CENPA: variants seen among roughly 807,000 people sequenced by gnomAD.
CENPA encodes histone H3-like centromeric protein A.
Under a neutral mutation model 17.2 loss-of-function variants are expected in CENPA, and 7 were observed. The ratio of observed to expected loss-of-function variants is 0.41; its 90% CI spans 0.23 to 0.76. The LOEUF (loss-of-function observed/expected upper bound fraction) is 0.76, where lower values mean the gene tolerates loss of function less well. Among genes scored for constraint, CENPA ranks in the 30% least tolerant of loss-of-function variants. CENPA has a pLI of 0.34. For synonymous variants in CENPA, 82 were observed against 77.4 expected, an observed-to-expected ratio of 1.06 and a Z score of -0.31; for missense variants, 149 against 193.1, an observed-to-expected ratio of 0.77 and a Z score of 1.35.
chr2:26,793,162 A>G lies in CENPA; in HGVS notation c.306A>G (p.Leu102=). 1 of 1,614,082 alleles carries G rather than the reference A, an allele frequency of 6.2e-7. No individual in the cohort carries two copies. Among genetic ancestry groups the G allele is most frequent in the African/African-American group, 1.3e-5 (1 of 75,034 alleles). The part of the protein sequence containing the change: ...LALQEAAEAF[L]VHLFEDAYLL... ...GTCTCCAGGCAGCAGAAGCATTTCTAGTTCATCTCTTTGAGGACGCCTATC... is the reference window on the plus strand; with the variant it reads ...GTCTCCAGGCAGCAGAAGCATTTCTGGTTCATCTCTTTGAGGACGCCTATC... Residue 102 remains leucine, a synonymous_variant, in exon 4 of 5, where the codon CTA becomes CTG. Coordinates refer to ENST00000335756, the MANE Select transcript of CENPA (RefSeq NM_001809.4).
At position 26,793,171 on chromosome 2, in the gene CENPA, C is replaced by G. The variant is rs1232207482; in HGVS notation, c.315C>G (p.Leu105=). 1 of 1,614,070 alleles carries G rather than the reference C, an allele frequency of 6.2e-7. No individual in the cohort carries two copies. Among genetic ancestry groups the G allele is most frequent in the Admixed American group, 1.7e-5 (1 of 60,008 alleles). ...QEAAEAFLVH[L]FEDAYLLTLH... Reference sequence around the variant, plus strand: ...CAGCAGAAGCATTTCTAGTTCATCTCTTTGAGGACGCCTATCTCCTCACCT... The same window carrying G: ...CAGCAGAAGCATTTCTAGTTCATCTGTTTGAGGACGCCTATCTCCTCACCT... Residue 105 remains leucine (L), a synonymous_variant, in exon 4 of 5, where the codon CTC becomes CTG. Transcript: ENST00000335756.
chr2:26,792,337 C>A, intron 2 of CENPA, 97 bp downstream of exon 2: 1 of 885,628 alleles, frequency 1.1e-6, no homozygotes, highest in South Asian at 1.6e-5. Context: ...ACTAACTGGC[C>A]AAGGGACCTC....
chr2:26,786,165 G>A lies in CENPA; in HGVS notation c.-32G>A. 1 of 1,417,524 alleles carries A rather than the reference G, an allele frequency of 7.1e-7. No homozygotes were observed. Among genetic ancestry groups the A allele is most frequent in the Non-Finnish European group, 9.2e-7 (1 of 1,092,532 alleles). 87.8% of individuals were successfully genotyped at this position (1,417,524 alleles called of 1,614,324 possible). On this transcript the variant is annotated 5_prime_UTR_variant, in exon 1 of 5. Coordinates refer to ENST00000335756, the MANE Select transcript of CENPA (RefSeq NM_001809.4). ...CCCGGCAGCCCGAGCAGGAGCCGTG[G>A]GACCGGGCGCCAGCACCCTCTGCGG...
chr2:26,792,880 A>G, intron 3 of CENPA, 47 bp downstream of exon 3: 4 of 1,549,216 alleles, frequency 2.6e-6, no homozygotes, highest in Non-Finnish European at 2.7e-6. Context: ...AGTGGGAGAA[A>G]GAGGCAGCCT....
chr2:26,787,824 G>A (rs1664540576), intron 1 of CENPA, among the ~76,000 whole-genome samples: 1 of 152,162 alleles, frequency 6.6e-6, no homozygotes, highest in South Asian at 2.1e-4. Context: ...CCAACTTGCT[G>A]AATTCTCGTT....
rs141433051 is a variant in CENPA, at chr2:26,791,767, G to A, written c.101-364G>A. 5.3e-5 allele frequency among the ~76,000 whole-genome samples: 8 copies of A among 152,288 alleles called. No homozygotes were observed. In the East Asian group the frequency reaches 1.5e-3, roughly 29 times the overall value. ...AGTCCTGCAAAGCCCAGAGGAGGGC[G>A]GTCACCCATCTGTTTGGAAGGATCA... On this transcript the variant is annotated intron_variant, in intron 1 of 4. Coordinates refer to ENST00000335756, the MANE Select transcript of CENPA (RefSeq NM_001809.4).
Position 26,792,317 on chromosome 2 carries a change from C to A in CENPA, c.210+77C>A. 4 of 1,142,800 alleles carry A rather than the reference C, an allele frequency of 3.5e-6. No individual in the cohort carries two copies. The East Asian group carries it at 1.0e-4, about 29-fold the overall frequency. 70.8% of individuals were successfully genotyped at this position (1,142,800 alleles called of 1,614,324 possible). A position where few individuals can be genotyped will look rare whatever the true frequency, so the allele number is the denominator to read the frequency against. ...ATTTTCCCAGGTATTAGGGACCCTACTGTCTCTTAACTAACTGGCCAAGGG... is the reference window on the plus strand; with the variant it reads ...ATTTTCCCAGGTATTAGGGACCCTAATGTCTCTTAACTAACTGGCCAAGGG... On this transcript the variant is annotated intron_variant, in intron 2 of 4. Transcript: ENST00000335756.
chr2:26,790,250 G>A (rs931943792), intron 1 of CENPA, among the ~76,000 whole-genome samples: 1 of 151,948 alleles, frequency 6.6e-6, no homozygotes, highest in Admixed American at 6.6e-5. Context: ...AAATTGTTGG[G>A]TGATCTTTAG....
chr2:26,788,837 G>A (rs770428006), intron 1 of CENPA, among the ~76,000 whole-genome samples: 32 of 152,074 alleles, frequency 2.1e-4, no homozygotes, highest in Non-Finnish European at 4.1e-4. Context: ...CACCGCATCC[G>A]GCTAATTTTG....
At chr2:26,787,964 C>T (rs903739517) in intron 1 of CENPA, among the ~76,000 whole-genome samples, 20 of 152,100 alleles carry the variant, frequency 1.3e-4, no homozygotes, top group African/African-American at 4.6e-4. Flanking sequence ...ACTAGTAAGG[C>T]CCTGAGACTC....
chr2:26,790,977 A>G (rs1664605234), intron 1 of CENPA, among the ~76,000 whole-genome samples: 1 of 152,224 alleles, frequency 6.6e-6, no homozygotes, highest in Non-Finnish European at 1.5e-5. Context: ...TTCTGAAACA[A>G]TTTTATCCGT....
chr2:26,786,294 T>A lies in CENPA; in HGVS notation c.98T>A (p.Leu33Ter). 1.5e-6 allele frequency: 2 copies of A among 1,325,626 alleles called. No individual in the cohort carries two copies. The highest frequency in any genetic ancestry group is 1.9e-6 in the Non-Finnish European group (2 of 1,040,128). 82.1% of individuals were successfully genotyped at this position (1,325,626 alleles called of 1,614,324 possible). The change falls in exon 1 of 5, where the codon TTA (leucine) becomes TAA (stop). Residue 33 changes from leucine (L) to a stop codon, truncating the protein, a stop_gained and splice_region_variant. Coordinates refer to ENST00000335756, the MANE Select transcript of CENPA (RefSeq NM_001809.4). LOFTEE classifies it high-confidence loss of function. ...GGCCCCTCCCGGCGGGGCCCCTCCT[T>A]AGGTAACCGGCCGCGGCCCCATCTC... ...TPGPSRRGPS[L>*]GASSHQHSRR...
Position 26,786,201 on chromosome 2 carries a change from G to A in CENPA, c.5G>A (p.Gly2Asp). MGPRRRSRKPEA... is the reference protein window; with the variant it reads MDPRRRSRKPEA... Reference sequence around the variant, plus strand: ...CAGCACCCTCTGCGGCGTGTCATGGGCCCGCGCCGCCGGAGCCGAAAGCCC... The same window carrying A: ...CAGCACCCTCTGCGGCGTGTCATGGACCCGCGCCGCCGGAGCCGAAAGCCC... The change falls in exon 1 of 5, where the codon GGC becomes GAC. Residue 2 changes from glycine (G) to aspartate (D), a missense_variant. Physicochemically the swap from Gly to Asp is moderately conservative, Grantham distance 94. Coordinates refer to ENST00000335756, the MANE Select transcript of CENPA (RefSeq NM_001809.4). 1.4e-6 allele frequency: 2 copies of A among 1,443,148 alleles called. No homozygotes were observed. Among genetic ancestry groups the A allele is most frequent in the Non-Finnish European group, 1.8e-6 (2 of 1,104,506 alleles). 89.4% of individuals were successfully genotyped at this position (1,443,148 alleles called of 1,614,324 possible). A position where few individuals can be genotyped will look rare whatever the true frequency, so the allele number is the denominator to read the frequency against.
At chr2:26,793,062 A>G (rs920348069) in intron 3 of CENPA, 83 bp from the exon 4 acceptor site, 3 of 1,551,374 alleles carry the variant, frequency 1.9e-6, no homozygotes, top group Non-Finnish European at 2.6e-6. Flanking sequence ...TTGAGCCCTC[A>G]GAGATTAAGT....
intron 2 of CENPA, 136 bp from the exon 3 acceptor site, chr2:26,792,620 G>T (rs992542156): frequency 2.5e-6 from 2 of 796,912 alleles, no homozygotes; most frequent in Non-Finnish European, 4.4e-6. Context: ...GCTCCTAATT[G>T]GGTCCTAAGA....
At chr2:26,791,305 A>C (rs892788261) in intron 1 of CENPA, among the ~76,000 whole-genome samples, 3 of 152,144 alleles carry the variant, frequency 2.0e-5, no homozygotes, top group Non-Finnish European at 4.4e-5. Flanking sequence ...ATTGTTATTC[A>C]TTTCCAAATA....
At chr2:26,789,725 A>G (rs1000849399) in intron 1 of CENPA, among the ~76,000 whole-genome samples, 3 of 152,124 alleles carry the variant, frequency 2.0e-5, no homozygotes, top group African/African-American at 7.2e-5. Context: ...CGTCTCCAAT[A>G]CAAATGCAGG....
chr2:26,793,598 T>G (rs1325723384), intron 4 of CENPA, among the ~76,000 whole-genome samples: 1 of 152,256 alleles, frequency 6.6e-6, no homozygotes, highest in African/African-American at 2.4e-5. Flanking sequence ...TCATCAGTGT[T>G]GCCATCGTGG....
chr2:26,792,043 A>G, intron 1 of CENPA, 88 bp from the exon 2 acceptor site: 3 of 1,052,360 alleles, frequency 2.9e-6, no homozygotes, highest in African/African-American at 1.6e-5. Context: ...GCACATAGAT[A>G]TAGTCTAGCA....
Sources: allele counts gnomAD v4.1 joint callset (sites outside exome capture counted in the v4.1 genomes callset), GRCh38; gene constraint gnomAD v4.1.1; transcripts MANE v1.5; gene names NCBI Gene and HGNC (gene_info 2026-07-23, HGNC 2026-07-21).